EIF4E1B: variants seen among roughly 807,000 people sequenced by gnomAD.
EIF4E1B encodes the protein eukaryotic translation initiation factor 4E type 1B.
EIF4E1B carries 22 observed loss-of-function variants against 31.3 expected under a neutral mutation model. The ratio of observed to expected loss-of-function variants is 0.70; its 90% CI spans 0.50 to 1.00. The LOEUF (loss-of-function observed/expected upper bound fraction) is 1.00, where lower values mean the gene tolerates loss of function less well. EIF4E1B is among the 50% of genes least tolerant of loss of function. The probability of loss-of-function intolerance (pLI) is 0.00; values close to 1 mark genes in which losing one functional copy is unlikely to be tolerated. For synonymous variants in EIF4E1B, 126 were observed against 120.2 expected (o/e 1.05, Z -0.31); for missense variants, 290 against 311.6 (o/e 0.93, Z 0.52).
chr5:176,634,627 G>A (rs1159014561), intron 1 of EIF4E1B, among the ~76,000 whole-genome samples: 1 of 149,642 alleles, frequency 6.7e-6, no homozygotes, highest in Admixed American at 6.7e-5. Context: ...ACAATGTAAT[G>A]GCTTTAACAA....
Position 176,645,370 on chromosome 5 carries a change from G to T in EIF4E1B, c.475-7G>T. The T allele has an allele frequency of 6.5e-7, 1 of 1,535,778 alleles. No homozygotes were observed. The highest frequency in any genetic ancestry group is 8.8e-7 in the Non-Finnish European group (1 of 1,138,490). ...GGTGATCTCACAACCCCCTACTTCGGGTCCAGCTGCTGTGTCTGATCGGGG... is the reference window on the plus strand; with the variant it reads ...GGTGATCTCACAACCCCCTACTTCGTGTCCAGCTGCTGTGTCTGATCGGGG... On this transcript the variant is annotated splice_polypyrimidine_tract_variant and splice_region_variant and intron_variant, in intron 7 of 8. Transcript: ENST00000318682. The surrounding 1 kb of genome is among the most constrained non-coding windows in gnomAD (Gnocchi z 5.4).
At chr5:176,635,183 G>C (rs761164624) in intron 1 of EIF4E1B, among the ~76,000 whole-genome samples, 2 of 152,056 alleles carry the variant, frequency 1.3e-5, no homozygotes, top group Non-Finnish European at 2.9e-5. Flanking sequence ...CCTGGAGAAA[G>C]ACTGAGAAGG....
At position 176,638,501 on chromosome 5, in the gene EIF4E1B, G is replaced by A. The variant is rs1439564071; in HGVS notation, c.-201-3542G>A. On this transcript the variant is annotated intron_variant, in intron 1 of 8. Coordinates refer to ENST00000318682, the MANE Select transcript of EIF4E1B (RefSeq NM_001099408.2). This position sits in a 1 kb window ranked among gnomAD's most constrained non-coding sequence, Gnocchi z 4.3. ...AATAGAACAGAGTGATGAGTTAGAG[G>A]GCATGGGGGAGAGTGTTCTTCTGTA... Among the ~76,000 whole-genome samples, 2 of 152,214 alleles carry A rather than the reference G, an allele frequency of 1.3e-5. No homozygotes were observed. Among genetic ancestry groups the A allele is most frequent in the Admixed American group, 1.3e-4 (2 of 15,280 alleles).
At position 176,645,059 on chromosome 5, in the gene EIF4E1B, C is replaced by A; in HGVS notation, c.361-71C>A. On this transcript the variant is annotated intron_variant, in intron 6 of 8. Transcript: ENST00000318682. This position sits in a 1 kb window ranked among gnomAD's most constrained non-coding sequence, Gnocchi z 5.4. Reference sequence around the variant, plus strand: ...GGGCCTCAGCAGAGAGCGGATAAGGCCGGGATGGTGGGTGGGTCCCCATTT... The same window carrying A: ...GGGCCTCAGCAGAGAGCGGATAAGGACGGGATGGTGGGTGGGTCCCCATTT... The A allele has an allele frequency of 7.3e-7, 1 of 1,379,094 alleles. No homozygotes were observed. Among genetic ancestry groups the A allele is most frequent in the Non-Finnish European group, 1.0e-6 (1 of 1,002,116 alleles). The allele number at this position is 1,379,094 out of a possible 1,614,324, so 85.4% of individuals were successfully genotyped here.
rs201215003 is a variant in EIF4E1B, at chr5:176,645,279, C to T, written c.474+36C>T. Reference sequence around the variant, plus strand: ...GGAGGAGGGTCCTCAGGGGAAGAGACGGGCTGTGTGGGTCTCATGGTGGCA... The same window carrying T: ...GGAGGAGGGTCCTCAGGGGAAGAGATGGGCTGTGTGGGTCTCATGGTGGCA... On this transcript the variant is annotated intron_variant, in intron 7 of 8. Coordinates refer to ENST00000318682, the MANE Select transcript of EIF4E1B (RefSeq NM_001099408.2). The surrounding 1 kb of genome is among the most constrained non-coding windows in gnomAD (Gnocchi z 5.4). The T allele has an allele frequency of 1.4e-5, 22 of 1,600,088 alleles. No homozygotes were observed. The highest frequency in any genetic ancestry group is 1.0e-4 in the Admixed American group (6 of 58,982).
chr5:176,639,841 G>A (rs944576175), intron 1 of EIF4E1B, among the ~76,000 whole-genome samples: 5 of 152,036 alleles, frequency 3.3e-5, no homozygotes, highest in Admixed American at 6.6e-5. Context: ...GAGGGAGAAT[G>A]AGCCAAGGAG....
intron 1 of EIF4E1B, among the ~76,000 whole-genome samples, chr5:176,636,479 C>A (rs912323055): frequency 6.6e-5 from 10 of 152,232 alleles, no homozygotes; most frequent in Non-Finnish European, 1.5e-5. Flanking sequence ...TAGAGAAGAT[C>A]CTCGTTGGAG....
chr5:176,643,639 G>A lies in EIF4E1B; in HGVS notation c.201G>A (p.Arg67=), dbSNP rs750550082. ...GGCTGCCTCCCCCTTCCCCTACCAG[G>A]TGGGCTCTGTGGTTCTTCAAGAATG... ...VKLELHPLQN[R]WALWFFKNDR... The change falls in exon 5 of 9, where the codon AGG becomes AGA. Residue 67 remains arginine (R), a splice_region_variant and synonymous_variant. Coordinates refer to ENST00000318682, the MANE Select transcript of EIF4E1B (RefSeq NM_001099408.2). The A allele has an allele frequency of 2.1e-5, 33 of 1,604,748 alleles. No individual in the cohort carries two copies. The highest frequency in any genetic ancestry group is 1.4e-4 in the Admixed American group (8 of 58,454).
chr5:176,643,573 C>T lies in EIF4E1B; in HGVS notation c.201-66C>T, dbSNP rs572182106. 13 of 1,483,274 alleles carry T rather than the reference C, an allele frequency of 8.8e-6. No individual in the cohort carries two copies. In the South Asian group the frequency reaches 1.6e-4, roughly 18 times the overall value. 91.9% of individuals were successfully genotyped at this position (1,483,274 alleles called of 1,614,324 possible). On this transcript the variant is annotated intron_variant, in intron 4 of 8. Transcript: ENST00000318682. ...GAAGGGGAGGGTCCTCCCTGTCAGT[C>T]CAGGTGCCCCGGGGGTGGACTTGGC...
chr5:176,636,045 G>A (rs1760487302), intron 1 of EIF4E1B, among the ~76,000 whole-genome samples: 1 of 152,186 alleles, frequency 6.6e-6, no homozygotes, highest in South Asian at 2.1e-4. Flanking sequence ...TCGAACTCCT[G>A]ACCTCAGGTG....
intron 1 of EIF4E1B, among the ~76,000 whole-genome samples, chr5:176,640,494 T>C (rs965793514): frequency 6.6e-6 from 1 of 152,242 alleles, no homozygotes; most frequent in Non-Finnish European, 1.5e-5. Context: ...CTCCAGGGCC[T>C]ATCTATCACT....
chr5:176,645,447 G>A lies in EIF4E1B; in HGVS notation c.545G>A (p.Arg182His). 5.3e-6 allele frequency: 8 copies of A among 1,516,130 alleles called. No homozygotes were observed. The highest frequency in any genetic ancestry group is 2.7e-5 in the South Asian group (2 of 75,080). The allele number at this position is 1,516,130 out of a possible 1,614,324, so 93.9% of individuals were successfully genotyped here. ...REVCGAVVNI[R>H]TKGDKIAVWT... ...GTATGTGGGGCCGTCGTCAACATCC[G>A]CACCAAGGGGGACAAGATCGCTGTG... Residue 182 changes from arginine (R) to histidine (H), a missense_variant, in exon 8 of 9, where the codon CGC becomes CAC. Physicochemically the swap from Arg to His is conservative, Grantham distance 29 (BLOSUM62 0). Transcript: ENST00000318682. This position sits in a 1 kb window ranked among gnomAD's most constrained non-coding sequence, Gnocchi z 5.4.
intron 1 of EIF4E1B, among the ~76,000 whole-genome samples, chr5:176,635,428 G>A (rs559162267): frequency 1.3e-5 from 2 of 152,292 alleles, no homozygotes; most frequent in Admixed American, 6.5e-5. Context: ...TTTGAAAGAT[G>A]AGAAGGACCT....
chr5:176,641,358 A>G (rs1366713037), intron 1 of EIF4E1B, among the ~76,000 whole-genome samples: 5 of 152,124 alleles, frequency 3.3e-5, no homozygotes, highest in Non-Finnish European at 7.4e-5. Flanking sequence ...AATAAAATGG[A>G]AACATCCTCA....
intron 5 of EIF4E1B, chr5:176,643,991 A>T: frequency 1.8e-6 from 1 of 569,342 alleles, no homozygotes; most frequent in South Asian, 2.3e-5. Context: ...TGACCTGGGC[A>T]AGTTCCTTCC....
At chr5:176,634,365 A>G (rs550949813) in intron 1 of EIF4E1B, among the ~76,000 whole-genome samples, 18 of 152,142 alleles carry the variant, frequency 1.2e-4, no homozygotes, top group African/African-American at 4.1e-4. Context: ...AGGAAGGAAC[A>G]CCTAGATTTG....
At chr5:176,643,499 C>A in intron 4 of EIF4E1B, 140 bp from the exon 5 acceptor site, 1 of 897,722 alleles carries the variant, frequency 1.1e-6, no homozygotes, top group Non-Finnish European at 1.7e-6. Flanking sequence ...ATTTCATTCA[C>A]CTGAGAGGGG....
intron 1 of EIF4E1B, among the ~76,000 whole-genome samples, chr5:176,632,180 C>T (rs999318334): frequency 5.9e-5 from 9 of 152,166 alleles, no homozygotes; most frequent in Middle Eastern, 3.2e-3. Flanking sequence ...ACATACTTAT[C>T]ACATACTATA....
chr5:176,637,605 G>C (rs770182205), intron 1 of EIF4E1B, among the ~76,000 whole-genome samples: 1 of 152,196 alleles, frequency 6.6e-6, no homozygotes, highest in African/African-American at 2.4e-5. Flanking sequence ...ACATACGATG[G>C]GCAGGGATCG....
Sources: allele counts gnomAD v4.1 joint callset (sites outside exome capture counted in the v4.1 genomes callset), GRCh38; gene constraint gnomAD v4.1.1; non-coding constraint Gnocchi (gnomAD v3.1); transcripts MANE v1.5; gene names NCBI Gene and HGNC (gene_info 2026-07-23, HGNC 2026-07-21).